The following MALRD1 variants were observed in gnomAD, a reference collection of about 807,000 sequenced individuals.
MALRD1 encodes MAM and LDL-receptor class A domain-containing protein 1.
MALRD1 carries 247 observed loss-of-function variants against 242.1 expected under a neutral mutation model. The ratio of observed to expected loss-of-function variants is 1.02; its 90% CI spans 0.92 to 1.13. The LOEUF is 1.13. Ranked by LOEUF, MALRD1 falls within the 50% of genes most tolerant of loss-of-function variation. The probability of loss-of-function intolerance (pLI) is 0.00; values close to 1 mark genes in which losing one functional copy is unlikely to be tolerated. For synonymous variants in MALRD1, 995 were observed against 866.6 expected (o/e 1.15, Z -2.60); for missense variants, 2,989 against 2,533.1 (o/e 1.18, Z -3.86).
chr10:19,139,234 T>A (rs546092530), intron 10 of MALRD1, among the ~76,000 whole-genome samples: 44 of 152,362 alleles, frequency 2.9e-4, no homozygotes, highest in African/African-American at 2.2e-4. Flanking sequence ...CTAAAGTATT[T>A]AATATATTTG....
At chr10:19,348,808 C>G (rs948684214) in intron 25 of MALRD1, among the ~76,000 whole-genome samples, 1 of 152,112 alleles carries the variant, frequency 6.6e-6, no homozygotes, top group Non-Finnish European at 1.5e-5. Context: ...CACAAGCACT[C>G]AGAGATCTCT....
intron 28 of MALRD1, among the ~76,000 whole-genome samples, chr10:19,393,469 CGAGTCTCGCTCTGTCACCCAGGCTG>C (rs1564301551): frequency 3.6e-5 from 5 of 137,106 alleles, no homozygotes; most frequent in African/African-American, 1.4e-4. Flanking sequence ...TTTTTGAGAC[CGAGTCTCGCTCTGTCACCCAGGCTG>C]GAGTGCAGTG....
At chr10:19,481,026 A>G (rs1589139154) in intron 29 of MALRD1, among the ~76,000 whole-genome samples, 1 of 152,278 alleles carries the variant, frequency 6.6e-6, no homozygotes, top group South Asian at 2.1e-4. Context: ...AGAGCTTGGT[A>G]TATATATATA....
intron 32 of MALRD1, among the ~76,000 whole-genome samples, chr10:19,537,584 C>T (rs993315474): frequency 1.8e-4 from 28 of 152,226 alleles, no homozygotes; most frequent in South Asian, 8.3e-4. Context: ...AGAGGGCCTT[C>T]CTTATCATTT....
chr10:19,716,635 T>C (rs1202652791), intron 38 of MALRD1, among the ~76,000 whole-genome samples: 1 of 152,202 alleles, frequency 6.6e-6, no homozygotes, highest in Non-Finnish European at 1.5e-5. Context: ...TTTTACTAGC[T>C]TTTGAGATAA....
rs569032375 is a variant in MALRD1, at chr10:19,125,558, G to A, written c.943+888G>A. ...TTTTTTCTTTCTTCCTTTTCTTGGAGGGGTGAGTATTGTTACATTTTTATT... is the reference window on the plus strand; with the variant it reads ...TTTTTTCTTTCTTCCTTTTCTTGGAAGGGTGAGTATTGTTACATTTTTATT... On this transcript the variant is annotated intron_variant, in intron 7 of 39. Coordinates refer to ENST00000454679, the MANE Select transcript of MALRD1 (RefSeq NM_001142308.3). Among the ~76,000 whole-genome samples, 272 of 148,134 alleles carry A rather than the reference G, an allele frequency of 1.8e-3. 2 individuals carry two copies. The highest frequency in any genetic ancestry group is 6.2e-3 in the African/African-American group (249 of 40,194).
At chr10:19,086,406 T>C (rs548042438) in intron 2 of MALRD1, among the ~76,000 whole-genome samples, 3 of 151,988 alleles carry the variant, frequency 2.0e-5, no homozygotes, top group South Asian at 2.1e-4. Context: ...TGAAATAGAG[T>C]GGCAGAAAAC....
intron 27 of MALRD1, 76 bp from the exon 28 acceptor site, chr10:19,389,376 C>T (rs975271103): frequency 1.2e-5 from 17 of 1,432,406 alleles, no homozygotes; most frequent in African/African-American, 2.8e-5. Context: ...ATTAAAGACC[C>T]TAACTATGAT....
intron 8 of MALRD1, among the ~76,000 whole-genome samples, chr10:19,129,812 A>G (rs868177826): frequency 4.0e-5 from 6 of 149,184 alleles, no homozygotes; most frequent in South Asian, 2.1e-4. Context: ...TATGATTCAC[A>G]TAATTACATC....
chr10:19,521,567 A>G (rs981792253), intron 31 of MALRD1, among the ~76,000 whole-genome samples: 1 of 152,086 alleles, frequency 6.6e-6, no homozygotes, highest in African/African-American at 2.4e-5. Context: ...TTCTGCAACT[A>G]GTAATTATTG....
intron 38 of MALRD1, among the ~76,000 whole-genome samples, chr10:19,728,816 T>C (rs1835159304): frequency 6.6e-6 from 1 of 152,228 alleles, no homozygotes; most frequent in African/African-American, 2.4e-5. Context: ...AGATCATCCC[T>C]GGCTCAGTTC....
chr10:19,238,534 T>A (rs767512342), intron 18 of MALRD1, among the ~76,000 whole-genome samples: 1 of 78,162 alleles, frequency 1.3e-5, no homozygotes, highest in African/African-American at 4.9e-5. Flanking sequence ...ATAATATACA[T>A]TATATATAAT....
intron 32 of MALRD1, among the ~76,000 whole-genome samples, chr10:19,545,842 ACTT>A (rs1327137535): frequency 2.0e-5 from 3 of 152,142 alleles, no homozygotes; most frequent in Admixed American, 6.5e-5. Context: ...TTAGAGGATC[ACTT>A]CTTTCAGTTT....
rs527979533 is a variant in MALRD1, at chr10:19,099,832, C to G, written c.598-4147C>G. Among the ~76,000 whole-genome samples, 409 of 151,546 alleles carry G rather than the reference C, an allele frequency of 2.7e-3. 1 individual carries two copies. The highest frequency in any genetic ancestry group is 9.5e-3 in the African/African-American group (392 of 41,340). On this transcript the variant is annotated intron_variant, in intron 4 of 39. Coordinates refer to ENST00000454679, the MANE Select transcript of MALRD1 (RefSeq NM_001142308.3). ...CCAGGTTGGCATACAGTGGCACCATCTCAGATTGCAACCTCTGCCTCCCGG... is the reference window on the plus strand; with the variant it reads ...CCAGGTTGGCATACAGTGGCACCATGTCAGATTGCAACCTCTGCCTCCCGG...
intron 29 of MALRD1, among the ~76,000 whole-genome samples, chr10:19,490,375 A>T (rs552615279): frequency 6.6e-6 from 1 of 152,108 alleles, no homozygotes; most frequent in Admixed American, 6.6e-5. Context: ...GTGAAGGGAC[A>T]TAAACCCGGT....
chr10:19,167,806 C>T (rs1421616112), intron 13 of MALRD1, among the ~76,000 whole-genome samples: 1 of 152,134 alleles, frequency 6.6e-6, no homozygotes, highest in East Asian at 1.9e-4. Context: ...TCTTCCTCCT[C>T]CCATGGAGTG....
At chr10:19,578,511 G>A (rs1473186174) in intron 33 of MALRD1, among the ~76,000 whole-genome samples, 1 of 152,120 alleles carries the variant, frequency 6.6e-6, no homozygotes, top group East Asian at 1.9e-4. Context: ...GGCCAACATG[G>A]TGAAGTCCCG....
intron 28 of MALRD1, among the ~76,000 whole-genome samples, chr10:19,422,560 G>A (rs1833754400): frequency 6.6e-6 from 1 of 152,152 alleles, no homozygotes. Context: ...TGGCCCCAGA[G>A]ATACAGATTT....
chr10:19,220,355 T>C (rs1194453522), intron 18 of MALRD1, among the ~76,000 whole-genome samples: 1 of 152,096 alleles, frequency 6.6e-6, no homozygotes, highest in Non-Finnish European at 1.5e-5. Flanking sequence ...AGAGAGAGAA[T>C]GCACACTTTA....
Sources: allele counts gnomAD v4.1 joint callset (sites outside exome capture counted in the v4.1 genomes callset), GRCh38; gene constraint gnomAD v4.1.1; transcripts MANE v1.5; gene names NCBI Gene and HGNC (gene_info 2026-07-23, HGNC 2026-07-21).